The following LANCL3 variants were observed in gnomAD, a reference collection of about 807,000 sequenced individuals.
LANCL3 encodes LanC like family member 3.
LANCL3 carries 19 observed loss-of-function variants against 26.5 expected under a neutral mutation model. That is an observed-to-expected ratio of 0.72 (90% CI 0.50 to 1.05). LANCL3 has a LOEUF of 1.05. Among genes scored for constraint, LANCL3 ranks in the 50% least tolerant of loss-of-function variants. The pLI is 0.00. For synonymous variants in LANCL3, 160 were observed against 166.6 expected, an observed-to-expected ratio of 0.96 and a Z score of 0.30; for missense variants, 318 against 362.7, an observed-to-expected ratio of 0.88 and a Z score of 1.00.
Position 37,679,363 on chromosome X carries a change from C to T in LANCL3, c.*3550C>T, listed in dbSNP as rs1173828386. On this transcript the variant is annotated 3_prime_UTR_variant, in exon 5 of 5. Transcript: ENST00000378619. Reference sequence around the variant, plus strand: ...TGTACATTTTTTTATATTCTACCACCAGTCCTGAGCACAGCACTTTGCCTC... The same window carrying T: ...TGTACATTTTTTTATATTCTACCACTAGTCCTGAGCACAGCACTTTGCCTC... 1 of 111,444 alleles carries T rather than the reference C, an allele frequency of 9.0e-6. No homozygotes were observed. The highest frequency in any genetic ancestry group is 2.8e-4 in the East Asian group (1 of 3,587). 9.2% of individuals were successfully genotyped at this position (111,444 alleles called of 1,213,427 possible).
chrX:37,642,078 C>A (rs1392996482), intron 1 of LANCL3, among the ~76,000 whole-genome samples: 1 of 111,763 alleles, frequency 8.9e-6, no homozygotes, highest in African/African-American at 3.3e-5. Context: ...TACTCTTTGT[C>A]CCTGGGCTCT....
rs782456295 is a variant in LANCL3, at chrX:37,610,376, T to C, written c.573+37933T>C. Among the ~76,000 whole-genome samples, 10 of 112,129 alleles carry C rather than the reference T, an allele frequency of 8.9e-5. No individual in the cohort carries two copies. The East Asian group carries it at 2.8e-3, about 31-fold the overall frequency. On this transcript the variant is annotated intron_variant, in intron 1 of 4. Transcript: ENST00000378619. The stretch of plus-strand genomic sequence containing the variant: ...AATCACACAGCAATCACAGTGGCCA[T>C]TGAGGCTCAATGGGAAAGAGAGTGG...
chrX:37,612,205 G>C, intron 1 of LANCL3, among the ~76,000 whole-genome samples: 1 of 112,061 alleles, frequency 8.9e-6, no homozygotes, highest in Non-Finnish European at 1.9e-5. Context: ...GCCTCCCAAA[G>C]TGCTGGGATT....
intron 1 of LANCL3, among the ~76,000 whole-genome samples, chrX:37,631,653 C>A (rs1925516881): frequency 9.0e-6 from 1 of 111,139 alleles, no homozygotes; most frequent in Non-Finnish European, 1.9e-5. Context: ...TATGTTGTGT[C>A]TTTGTTCTCG....
intron 1 of LANCL3, among the ~76,000 whole-genome samples, chrX:37,612,774 A>G (rs1373303706): frequency 1.8e-5 from 2 of 111,994 alleles, no homozygotes; most frequent in Non-Finnish European, 3.8e-5. Flanking sequence ...TTCACTGTCT[A>G]GTAGAAAAGA....
At chrX:37,581,015 G>T (rs1231117636) in intron 1 of LANCL3, among the ~76,000 whole-genome samples, 1 of 112,064 alleles carries the variant, frequency 8.9e-6, no homozygotes, top group Non-Finnish European at 1.9e-5. Context: ...CAGGGATCTT[G>T]TTAAAAATCA....
intron 1 of LANCL3, among the ~76,000 whole-genome samples, chrX:37,575,576 A>AAATG (rs782373398): frequency 8.9e-6 from 1 of 112,259 alleles, no homozygotes; most frequent in East Asian, 2.8e-4. Flanking sequence ...AATATTTGTT[A>AAATG]AATGAATGAA....
chrX:37,673,668 T>A (rs782605917), intron 4 of LANCL3, among the ~76,000 whole-genome samples: 4 of 111,701 alleles, frequency 3.6e-5, no homozygotes, highest in Non-Finnish European at 7.5e-5. Context: ...CCCTCAGACA[T>A]TGCTGGTACT....
At position 37,681,941 on chromosome X, in the gene LANCL3, A is replaced by AGAAAG. The variant is rs1926944717; in HGVS notation, c.*6128_*6129insGAAAG. On this transcript the variant is annotated 3_prime_UTR_variant, in exon 5 of 5. Coordinates refer to ENST00000378619, the MANE Select transcript of LANCL3 (RefSeq NM_001170331.2). ...AGATCTTCAGAAAGTACCAAAATAT[A>AGAAAG]TACCTTCCTCTTATTCTTTCAGAAA... 9.0e-6 allele frequency: 1 copy of AGAAAG among 111,685 alleles called. No homozygotes were observed. Among genetic ancestry groups the AGAAAG allele is most frequent in the African/African-American group, 3.3e-5 (1 of 30,625 alleles). The allele number at this position is 111,685 out of a possible 1,213,427, so 9.2% of individuals were successfully genotyped here.
At chrX:37,572,510 T>C in intron 1 of LANCL3, 67 bp downstream of exon 1, 1 of 971,507 alleles carries the variant, frequency 1.0e-6, no homozygotes, top group Non-Finnish European at 1.4e-6. Context: ...CCGGACTCCG[T>C]GGCTCGGGCA....
chrX:37,612,178 G>A (rs1444734455), intron 1 of LANCL3, among the ~76,000 whole-genome samples: 3 of 111,565 alleles, frequency 2.7e-5, no homozygotes, highest in African/African-American at 9.8e-5. Context: ...CTGACCTCAG[G>A]TGATCCGCCC....
intron 1 of LANCL3, among the ~76,000 whole-genome samples, chrX:37,581,495 A>C (rs1556417017): frequency 2.7e-5 from 3 of 112,050 alleles, no homozygotes; most frequent in Non-Finnish European, 5.6e-5. Flanking sequence ...TTCAAGAGAC[A>C]CCTTATTACA....
At chrX:37,580,773 T>A (rs1923872584) in intron 1 of LANCL3, among the ~76,000 whole-genome samples, 1 of 110,749 alleles carries the variant, frequency 9.0e-6, no homozygotes, top group African/African-American at 3.3e-5. Flanking sequence ...GAGTTTGACT[T>A]TTTGAGGTTC....
Position 37,623,610 on chromosome X carries a change from G to A in LANCL3, c.574-32078G>A, listed in dbSNP as rs1375622569. Among the ~76,000 whole-genome samples the A allele has an allele frequency of 2.7e-5, 3 of 112,011 alleles. No individual in the cohort carries two copies. The Admixed American group carries it at 2.8e-4, about 11-fold the overall frequency. On this transcript the variant is annotated intron_variant, in intron 1 of 4. Transcript: ENST00000378619. ...TGCTTTTTAAAATACTTTTAGTACT[G>A]TTCAATTATTTATTATATGATTTAT...
At chrX:37,641,793 T>C (rs1925870434) in intron 1 of LANCL3, among the ~76,000 whole-genome samples, 1 of 112,033 alleles carries the variant, frequency 8.9e-6, no homozygotes, top group African/African-American at 3.2e-5. Context: ...TTTTTGTGAA[T>C]ACCTCTCTGA....
chrX:37,593,999 A>G (rs1429685207), intron 1 of LANCL3, among the ~76,000 whole-genome samples: 2 of 112,120 alleles, frequency 1.8e-5, no homozygotes, highest in African/African-American at 6.5e-5. Context: ...CTATGGCTTT[A>G]TTTACACAGT....
chrX:37,571,773 G>C lies in LANCL3; in HGVS notation c.-98G>C, dbSNP rs184615891. 141 of 682,155 alleles carry C rather than the reference G, an allele frequency of 2.1e-4. No homozygotes were observed. Among genetic ancestry groups the C allele is most frequent in the East Asian group, 6.3e-4 (17 of 26,838 alleles). The allele number at this position is 682,155 out of a possible 1,213,427, so 56.2% of individuals were successfully genotyped here. On this transcript the variant is annotated 5_prime_UTR_variant, in exon 1 of 5. Transcript: ENST00000378619. The stretch of plus-strand genomic sequence containing the variant: ...CGCTCCTTCCCCGCCGCATACACCG[G>C]CATCCGAGTGCCTCAGAGAGCCGGA...
In LANCL3 at chrX:37,572,390, C is replaced by A. The variant is rs1556415813; in HGVS notation, c.520C>A (p.Arg174Ser). The change falls in exon 1 of 5, where the codon CGC (arginine) becomes AGC (serine). Residue 174 changes from arginine (R) to serine (S), a missense_variant. Transcript: ENST00000378619. ...ECGSDELFVG[R>S]AGYLCAALVL... ...CGGCTCCGACGAGCTGTTCGTGGGC[C>A]GCGCGGGTTACCTGTGTGCCGCGCT... The A allele has an allele frequency of 8.5e-7, 1 of 1,176,075 alleles. No homozygotes were observed. The highest frequency in any genetic ancestry group is 3.2e-5 in the East Asian group (1 of 31,599).
intron 1 of LANCL3, among the ~76,000 whole-genome samples, chrX:37,611,929 ATTATTTTATT>A (rs782752534): frequency 9.1e-6 from 1 of 110,320 alleles, no homozygotes; most frequent in Non-Finnish European, 1.9e-5. Context: ...ATTTTATTTT[ATTATTTTATT>A]TTATTTTATT....
Sources: gnomAD v4.1 joint callset for allele counts (sites outside exome capture counted in the v4.1 genomes callset) on GRCh38, gnomAD v4.1.1 for gene constraint, MANE v1.5 for transcripts, NCBI Gene and HGNC (gene_info 2026-07-23, HGNC 2026-07-21) for gene names.